Variants in RUFY3 observed in about 807,000 individuals in gnomAD.
RUFY3 encodes the protein protein RUFY3.
Under a neutral mutation model 84.0 loss-of-function variants are expected in RUFY3, and 34 were observed. That is an observed-to-expected ratio of 0.40 (90% CI 0.31 to 0.54). The LOEUF (loss-of-function observed/expected upper bound fraction) is 0.54. Ranked by LOEUF, RUFY3 falls within the 20% of genes least tolerant of loss-of-function variation. RUFY3 has a pLI of 0.39. For missense variants in RUFY3, 507 were observed against 736.8 expected, an observed-to-expected ratio of 0.69 and a Z score of 3.61; for synonymous variants, 242 against 252.9, an observed-to-expected ratio of 0.96 and a Z score of 0.41.
chr4:70,723,825 C>T (rs963647689), intron 1 of RUFY3, among the ~76,000 whole-genome samples: 3 of 152,190 alleles, frequency 2.0e-5, no homozygotes, highest in Non-Finnish European at 4.4e-5. Context: ...AGGTGATTCT[C>T]TGCCTTTGAC....
rs112206365 is a variant in RUFY3, at chr4:70,804,134, G to A, written c.1651-214G>A. ...TGCATGTGTTTGAATTTTCTTTTTA[G>A]AAATCATGTTATTATAAAAATTAAG... On this transcript the variant is annotated intron_variant, in intron 16 of 17. Coordinates refer to ENST00000381006, the MANE Select transcript of RUFY3 (RefSeq NM_001037442.4). Among the ~76,000 whole-genome samples the A allele has an allele frequency of 6.2e-3, 942 of 152,186 alleles. 4 individuals carry two copies. The highest frequency in any genetic ancestry group is 9.5e-3 in the Non-Finnish European group (643 of 68,002).
intron 14 of RUFY3, among the ~76,000 whole-genome samples, chr4:70,796,950 T>TC (rs1449516684): frequency 1.3e-4 from 19 of 146,086 alleles, no homozygotes; most frequent in South Asian, 8.5e-4. Flanking sequence ...TCTTTTCTTT[T>TC]TTTTTTTTTT....
At chr4:70,771,540 T>G (rs977667245) in intron 5 of RUFY3, among the ~76,000 whole-genome samples, 1 of 152,180 alleles carries the variant, frequency 6.6e-6, no homozygotes, top group Non-Finnish European at 1.5e-5. Context: ...ATATTTATTT[T>G]ATTTTATTTT....
chr4:70,735,364 G>A (rs188858176), intron 1 of RUFY3, among the ~76,000 whole-genome samples: 1 of 152,264 alleles, frequency 6.6e-6, no homozygotes, highest in East Asian at 1.9e-4. Context: ...CTGTTCCTTT[G>A]CAATTTTTGG....
intron 12 of RUFY3, among the ~76,000 whole-genome samples, chr4:70,790,948 T>C (rs910527747): frequency 1.3e-5 from 2 of 152,210 alleles, no homozygotes; most frequent in African/African-American, 4.8e-5. Context: ...AATGTATCAG[T>C]CTACCTAGGA....
chr4:70,761,329 T>C (rs1430396894), intron 1 of RUFY3, among the ~76,000 whole-genome samples: 1 of 152,150 alleles, frequency 6.6e-6, no homozygotes, highest in Non-Finnish European at 1.5e-5. Flanking sequence ...CTAAATATGA[T>C]GAGAGAATAA....
At chr4:70,709,922 T>C (rs1740776755) in intron 1 of RUFY3, among the ~76,000 whole-genome samples, 1 of 152,232 alleles carries the variant, frequency 6.6e-6, no homozygotes, top group South Asian at 2.1e-4. Flanking sequence ...TTTTAAGTGC[T>C]GTTTTGAGAT....
intron 1 of RUFY3, among the ~76,000 whole-genome samples, chr4:70,741,094 A>AG (rs974595739): frequency 6.6e-6 from 1 of 152,054 alleles, no homozygotes; most frequent in African/African-American, 2.4e-5. Context: ...GTATCTTCAA[A>AG]GTAGCCTCCT....
intron 10 of RUFY3, among the ~76,000 whole-genome samples, chr4:70,786,193 A>G (rs529995013): frequency 6.6e-6 from 1 of 152,330 alleles, no homozygotes; most frequent in East Asian, 1.9e-4. Flanking sequence ...CGTGGAATCT[A>G]AAACGTTGTT....
Position 70,712,892 on chromosome 4 carries a change from A to G in RUFY3, c.358+7598A>G, listed in dbSNP as rs189622180. On this transcript the variant is annotated intron_variant, in intron 1 of 11. Transcript: ENST00000417478. ...ATTACATGTCTACTCAATCCTTACTAATTTTGAAACACACTCCCTACTTTG... is the reference window on the plus strand; with the variant it reads ...ATTACATGTCTACTCAATCCTTACTGATTTTGAAACACACTCCCTACTTTG... 4.6e-5 allele frequency among the ~76,000 whole-genome samples: 7 copies of G among 152,326 alleles called. No individual in the cohort carries two copies. In the East Asian group the frequency reaches 1.3e-3, roughly 29 times the overall value.
rs1352146296 is a variant in RUFY3, at chr4:70,761,471, A to G, written c.179-1048A>G. 2.6e-5 allele frequency among the ~76,000 whole-genome samples: 4 copies of G among 152,202 alleles called. No homozygotes were observed. The East Asian group carries it at 5.8e-4, about 22-fold the overall frequency. On this transcript the variant is annotated intron_variant, in intron 1 of 17. Coordinates refer to ENST00000381006, the MANE Select transcript of RUFY3 (RefSeq NM_001037442.4). ...CTAAAATGGGATGGTGACTTGCCCG[A>G]GGTCATACAGTGAGTCAGGGCAGAG...
At chr4:70,731,313 C>T (rs1469887858) in intron 1 of RUFY3, among the ~76,000 whole-genome samples, 7 of 152,188 alleles carry the variant, frequency 4.6e-5, no homozygotes, top group Non-Finnish European at 1.0e-4. Flanking sequence ...GCTGGGATTA[C>T]AGGCGTGAGC....
intron 1 of RUFY3, among the ~76,000 whole-genome samples, chr4:70,716,728 C>T (rs1281804831): frequency 2.0e-5 from 3 of 151,242 alleles, no homozygotes; most frequent in Admixed American, 6.6e-5. Context: ...CCTGTAATCC[C>T]AGCTACTCGG....
At chr4:70,784,154 G>A (rs139417172) in intron 9 of RUFY3, among the ~76,000 whole-genome samples, 21 of 152,238 alleles carry the variant, frequency 1.4e-4, no homozygotes, top group African/African-American at 4.8e-4. Context: ...AACCAGTTGC[G>A]AATTCTCTGG....
chr4:70,762,423 A>G, intron 1 of RUFY3, 96 bp from the exon 2 acceptor site: 1 of 1,073,242 alleles, frequency 9.3e-7, no homozygotes, highest in Non-Finnish European at 1.3e-6. Flanking sequence ...TTTTTTTCAC[A>G]GTGAGTACAT....
intron 10 of RUFY3, among the ~76,000 whole-genome samples, chr4:70,786,161 A>G (rs907585314): frequency 9.2e-5 from 14 of 152,242 alleles, no homozygotes; most frequent in African/African-American, 3.4e-4. Context: ...AGAAAGAGAA[A>G]TGCCATATGA....
At position 70,775,156 on chromosome 4, in the gene RUFY3, C is replaced by T. The variant is rs377064223; in HGVS notation, c.759-12C>T. 9.5e-6 allele frequency: 15 copies of T among 1,574,716 alleles called. No individual in the cohort carries two copies. The highest frequency in any genetic ancestry group is 1.1e-5 in the Non-Finnish European group (13 of 1,153,524). ...TATTTATTTTATTTCTATTTTCTTC[C>T]CCTTCCCCCAGAGACGGTCAGATTA... On this transcript the variant is annotated splice_polypyrimidine_tract_variant and intron_variant, in intron 6 of 17. Transcript: ENST00000381006.
rs1553911985 is a variant in RUFY3 at position 70,759,356 on chromosome 4, TTG to T, written c.179-3149_179-3148del. Among the ~76,000 whole-genome samples the T allele has an allele frequency of 2.1e-4, 25 of 119,910 alleles. No individual in the cohort carries two copies. In the Admixed American group the frequency reaches 2.2e-3, roughly 11 times the overall value. The allele number at this position is 119,910 out of a possible 152,430, so 78.7% of individuals were successfully genotyped here. A position where few individuals can be genotyped will look rare whatever the true frequency, so the allele number is the denominator to read the frequency against. Reference sequence around the variant, plus strand: ...GATTTCATTCTTTTTATGGCTGAATTTGTGTGTGTGTGTGTATGTGTGTGTGT... The same window carrying T: ...GATTTCATTCTTTTTATGGCTGAATTTGTGTGTGTGTGTATGTGTGTGTGT... On this transcript the variant is annotated intron_variant, in intron 1 of 17. Coordinates refer to ENST00000381006, the MANE Select transcript of RUFY3 (RefSeq NM_001037442.4).
At chr4:70,757,276 CA>C (rs1724188232) in intron 1 of RUFY3, among the ~76,000 whole-genome samples, 1 of 149,980 alleles carries the variant, frequency 6.7e-6, no homozygotes, top group African/African-American at 2.5e-5. Flanking sequence ...GATCCTGCCT[CA>C]AAAATCAAAA....
Sources: gnomAD v4.1 joint callset for allele counts (sites outside exome capture counted in the v4.1 genomes callset) on GRCh38, gnomAD v4.1.1 for gene constraint, MANE v1.5 for transcripts, NCBI Gene and HGNC (gene_info 2026-07-23, HGNC 2026-07-21) for gene names.